Variants in LPP observed in about 807,000 individuals in gnomAD.
LPP encodes the protein lipoma-preferred partner.
In LPP, 38 loss-of-function variants were observed where a neutral mutation model predicts 60.4. The ratio of observed to expected loss-of-function variants is 0.63; its 90% CI spans 0.49 to 0.83. The LOEUF (loss-of-function observed/expected upper bound fraction) is 0.83. LPP is among the 40% of genes least tolerant of loss of function. The pLI is 0.00. For missense variants in LPP, 902 were observed against 783.6 expected, an observed-to-expected ratio of 1.15 and a Z score of -1.80; for synonymous variants, 328 against 290.8, an observed-to-expected ratio of 1.13 and a Z score of -1.30.
chr3:188,807,646 ATTC>A (rs1380815643), intron 9 of LPP, among the ~76,000 whole-genome samples: 4 of 152,086 alleles, frequency 2.6e-5, no homozygotes, highest in Non-Finnish European at 5.9e-5. Context: ...TATTCAAAGT[ATTC>A]TTCTTCTCTG....
chr3:188,868,679 T>A (rs910721692), intron 10 of LPP, among the ~76,000 whole-genome samples: 5 of 152,216 alleles, frequency 3.3e-5, no homozygotes, highest in African/African-American at 1.2e-4. Context: ...CATAGGCTAA[T>A]CACTGAAAGA....
intron 4 of LPP, among the ~76,000 whole-genome samples, chr3:188,460,144 TTATCA>T (rs1393562373): frequency 1.3e-5 from 2 of 152,186 alleles, no homozygotes; most frequent in Admixed American, 6.5e-5. Flanking sequence ...ATCTTTCTAT[TTATCA>T]GTACTAGCAT....
At chr3:188,202,932 T>C (rs28630761) in intron 1 of LPP, among the ~76,000 whole-genome samples, 2,038 of 152,000 alleles carry the variant, frequency 0.013, 23 homozygotes, top group African/African-American at 0.018. Context: ...TTGTCCAGTG[T>C]CACGTGGGGA....
chr3:188,817,836 C>T (rs546447030), intron 9 of LPP, among the ~76,000 whole-genome samples: 6 of 152,332 alleles, frequency 3.9e-5, no homozygotes, highest in African/African-American at 9.6e-5. Context: ...TCTGGGCTCA[C>T]CGCAAAGGAA....
At chr3:188,247,311 G>C (rs562621272) in intron 2 of LPP, 1 of 260,152 alleles carries the variant, frequency 3.8e-6, no homozygotes, top group East Asian at 1.8e-4. Flanking sequence ...TCTGGTTATA[G>C]ACTAGTTGGT....
At chr3:188,800,462 G>A (rs1003040266) in intron 9 of LPP, among the ~76,000 whole-genome samples, 2 of 151,764 alleles carry the variant, frequency 1.3e-5, no homozygotes, top group South Asian at 2.1e-4. Context: ...AGCCAGGATG[G>A]TCTCCATCTC....
chr3:188,281,817 C>T (rs972676192), intron 2 of LPP, among the ~76,000 whole-genome samples: 1 of 151,844 alleles, frequency 6.6e-6, no homozygotes, highest in African/African-American at 2.4e-5. Flanking sequence ...TTATTTTTTG[C>T]TTTAAAAACC....
At chr3:188,819,191 G>A (rs1364876122) in intron 9 of LPP, among the ~76,000 whole-genome samples, 4 of 151,948 alleles carry the variant, frequency 2.6e-5, no homozygotes, top group African/African-American at 9.7e-5. Context: ...GGGTACATAT[G>A]CAGGTTCGTT....
At chr3:188,850,212 C>T (rs1327528195) in intron 9 of LPP, among the ~76,000 whole-genome samples, 2 of 152,082 alleles carry the variant, frequency 1.3e-5, no homozygotes, top group Non-Finnish European at 2.9e-5. Flanking sequence ...GTCACTTAGG[C>T]AGGTATTGTG....
In LPP at chr3:188,262,736, A is replaced by T. The variant is rs542794557; in HGVS notation, c.-67+37209A>T. On this transcript the variant is annotated intron_variant, in intron 2 of 11. Coordinates refer to ENST00000617246, the MANE Select transcript of LPP (RefSeq NM_001375462.1). ...CTCTGTCTTTCTCTCTCTGTCTCAC[A>T]CACACACACGGGGAAAAAAAATCAC... 2.0e-5 allele frequency among the ~76,000 whole-genome samples: 3 copies of T among 151,538 alleles called. No individual in the cohort carries two copies. The South Asian group carries it at 6.3e-4, about 32-fold the overall frequency.
intron 4 of LPP, among the ~76,000 whole-genome samples, chr3:188,478,603 A>G (rs999460771): frequency 2.6e-5 from 4 of 152,146 alleles, no homozygotes; most frequent in Non-Finnish European, 5.9e-5. Flanking sequence ...ATAGGTGAGG[A>G]AAACTGGGTC....
intron 6 of LPP, among the ~76,000 whole-genome samples, chr3:188,584,994 T>C (rs1253085548): frequency 6.6e-6 from 1 of 152,144 alleles, no homozygotes. Context: ...CGTTTAGAAA[T>C]TTTTTTACTG....
At position 188,874,445 on chromosome 3, in the gene LPP, G is replaced by A. The variant is rs1273752393; in HGVS notation, c.1805G>A (p.Arg602Lys). ...AAGACCTGCAACTCTGCCCGCATCAGGGTGTTGACCGCCAAGGCGAGCACT... is the reference window on the plus strand; with the variant it reads ...AAGACCTGCAACTCTGCCCGCATCAAGGTGTTGACCGCCAAGGCGAGCACT... ...LCKTCNSARI[R>K]VLTAKASTDL The change falls in exon 12 of 12, where the codon AGG (arginine) becomes AAG (lysine). Residue 602 changes from arginine (R) to lysine (K), a missense_variant. Transcript: ENST00000617246. The A allele has an allele frequency of 8.1e-6, 13 of 1,614,210 alleles. No homozygotes were observed. The highest frequency in any genetic ancestry group is 1.0e-5 in the Non-Finnish European group (12 of 1,180,026).
intron 1 of LPP, among the ~76,000 whole-genome samples, chr3:188,168,040 G>A (rs1297812156): frequency 6.6e-6 from 1 of 152,164 alleles, no homozygotes; most frequent in Non-Finnish European, 1.5e-5. Context: ...GAAATAGTCT[G>A]GGCTGAAGAC....
At chr3:188,558,922 G>A (rs1263450960) in intron 6 of LPP, among the ~76,000 whole-genome samples, 3 of 152,044 alleles carry the variant, frequency 2.0e-5, no homozygotes, top group Admixed American at 6.6e-5. Context: ...TTTTGAATTC[G>A]TGGTGGAAAG....
At chr3:188,726,079 A>G (rs1296569033) in intron 8 of LPP, among the ~76,000 whole-genome samples, 1 of 152,162 alleles carries the variant, frequency 6.6e-6, no homozygotes, top group Admixed American at 6.6e-5. Flanking sequence ...GAAAGTGTGG[A>G]AACTCCATGA....
intron 8 of LPP, among the ~76,000 whole-genome samples, chr3:188,714,901 G>A (rs1254204348): frequency 1.3e-5 from 2 of 152,124 alleles, no homozygotes; most frequent in Non-Finnish European, 2.9e-5. Flanking sequence ...AGGAAAGGGA[G>A]GAAACATAGT....
intron 2 of LPP, among the ~76,000 whole-genome samples, chr3:188,276,025 G>A (rs1739553913): frequency 6.6e-6 from 1 of 152,186 alleles, no homozygotes; most frequent in African/African-American, 2.4e-5. Flanking sequence ...AAAGCCTGCT[G>A]TAGTTACCAT....
intron 2 of LPP, among the ~76,000 whole-genome samples, chr3:188,289,479 C>G (rs1465287717): frequency 3.9e-5 from 6 of 152,116 alleles, no homozygotes; most frequent in Admixed American, 2.0e-4. Context: ...CATACATCAT[C>G]TCATGTAATT....
Sources: allele counts gnomAD v4.1 joint callset (sites outside exome capture counted in the v4.1 genomes callset), GRCh38; gene constraint gnomAD v4.1.1; transcripts MANE v1.5; gene names NCBI Gene and HGNC (gene_info 2026-07-23, HGNC 2026-07-21).